The following SLC5A2 variants were observed in gnomAD, a reference collection of about 807,000 sequenced individuals.
The protein encoded by SLC5A2 is sodium/glucose cotransporter 2.
SLC5A2 carries 67 observed loss-of-function variants against 69.0 expected under a neutral mutation model. That is an observed-to-expected ratio of 0.97 (90% CI 0.80 to 1.19). SLC5A2 has a LOEUF of 1.19. SLC5A2 is among the 50% of genes most tolerant of loss of function. SLC5A2 has a pLI of 0.00. For synonymous variants in SLC5A2, 455 were observed against 395.8 expected (o/e 1.15, Z -1.78); for missense variants, 1,001 against 921.5 (o/e 1.09, Z -1.12).
At chr16:31,486,888 T>C (rs1182501481) in intron 5 of SLC5A2, among the ~76,000 whole-genome samples, 4 of 152,086 alleles carry the variant, frequency 2.6e-5, no homozygotes, top group East Asian at 1.9e-4. Flanking sequence ...CTACTAAAGA[T>C]ACAAAAAATT....
At chr16:31,487,477 C>A (rs1257032799) in intron 6 of SLC5A2, 53 bp from the exon 7 acceptor site, 1 of 1,609,972 alleles carries the variant, frequency 6.2e-7, no homozygotes, top group Non-Finnish European at 8.5e-7. Context: ...GGCCGTTGCG[C>A]GTCTCCGGTC....
chr16:31,490,530 G>T lies in SLC5A2; in HGVS notation c.2014G>T (p.Ala672Ser). 1 of 1,610,240 alleles carries T rather than the reference G, an allele frequency of 6.2e-7. No individual in the cohort carries two copies. Among genetic ancestry groups the T allele is most frequent in the Non-Finnish European group, 8.5e-7 (1 of 1,177,954 alleles). Reference protein sequence around the residue: ...AVAVFLWGFYA With the variant: ...AVAVFLWGFYS ...GGCCGTGTTCCTCTGGGGCTTCTAT[G>T]CCTAAGACCAACTGCGTTGGACACC... The change falls in exon 14 of 14, where the codon GCC (alanine) becomes TCC (serine). Residue 672 changes from alanine (A) to serine (S), a missense_variant. By Grantham distance (99) the Ala-to-Ser change is moderately conservative (BLOSUM62 1). Transcript: ENST00000330498.
chr16:31,487,627 C>T lies in SLC5A2; in HGVS notation c.753C>T (p.Ile251=). ...CCGAGGATCCAGCCGTGGGAAACAT[C>T]TCCAGCTTCTGCTATCGACCCCGGC... ...TVSEDPAVGN[I]SSFCYRPRPD... is the part of the protein sequence containing the mutation. The change falls in exon 7 of 14, where the codon ATC becomes ATT. Residue 251 remains isoleucine (I), a synonymous_variant. Transcript: ENST00000330498. The T allele has an allele frequency of 6.2e-7, 1 of 1,613,990 alleles. No individual in the cohort carries two copies.
At chr16:31,487,794 G>C in intron 7 of SLC5A2, 35 bp downstream of exon 7, 1 of 1,569,150 alleles carries the variant, frequency 6.4e-7, no homozygotes, top group South Asian at 1.1e-5. Flanking sequence ...AGTGAGGCCG[G>C]GGCGGAGCCG....
chr16:31,487,360 C>G lies in SLC5A2; in HGVS notation c.615C>G (p.Thr205=). ...TGATGTACACGGACACGGTACAGACCTTCGTCATTCTGGGGGGCGCCTGCA... is the reference window on the plus strand; with the variant it reads ...TGATGTACACGGACACGGTACAGACGTTCGTCATTCTGGGGGGCGCCTGCA... ...AALMYTDTVQ[T]FVILGGACIL... is the part of the protein sequence containing the mutation. The change falls in exon 6 of 14, where the codon ACC becomes ACG. Residue 205 remains threonine (T), a synonymous_variant. Transcript: ENST00000330498. 1 of 1,613,904 alleles carries G rather than the reference C, an allele frequency of 6.2e-7. No individual in the cohort carries two copies. Among genetic ancestry groups the G allele is most frequent in the South Asian group, 1.1e-5 (1 of 91,080 alleles).
chr16:31,488,024 C>T lies in SLC5A2; in HGVS notation c.886-14C>T. Reference sequence around the variant, plus strand: ...GGAGGCCCGCAAGCGGGCAGCTGAACGCCCCTCCCGTAGGTCATCGTGCAG... The same window carrying T: ...GGAGGCCCGCAAGCGGGCAGCTGAATGCCCCTCCCGTAGGTCATCGTGCAG... On this transcript the variant is annotated splice_polypyrimidine_tract_variant and intron_variant, in intron 7 of 13. Coordinates refer to ENST00000330498, the MANE Select transcript of SLC5A2 (RefSeq NM_003041.4). The T allele has an allele frequency of 6.2e-7, 1 of 1,612,198 alleles. No individual in the cohort carries two copies. Among genetic ancestry groups the T allele is most frequent in the African/African-American group, 1.3e-5 (1 of 75,038 alleles).
At position 31,485,745 on chromosome 16, in the gene SLC5A2, T is replaced by C. The variant is rs2082489690; in HGVS notation, c.320T>C (p.Leu107Pro). 7 of 1,613,554 alleles carry C rather than the reference T, an allele frequency of 4.3e-6. No homozygotes were observed. In the East Asian group the frequency reaches 8.9e-5, roughly 21 times the overall value. ...GFEWNALFVV[L>P]LLGWLFAPVY... ...CCCCCGTAGGCGCTCTTCGTGGTGC[T>C]GCTACTGGGCTGGCTGTTTGCACCC... Residue 107 changes from leucine (L) to proline (P), a missense_variant, in exon 4 of 14, where the codon CTG (leucine) becomes CCG (proline). Coordinates refer to ENST00000330498, the MANE Select transcript of SLC5A2 (RefSeq NM_003041.4).
Position 31,489,191 on chromosome 16 carries a change from C to T in SLC5A2, c.1518C>T (p.Phe506=), listed in dbSNP as rs112861979. Residue 506 remains phenylalanine (F), a synonymous_variant, in exon 12 of 14, where the codon TTC becomes TTT. Coordinates refer to ENST00000330498, the MANE Select transcript of SLC5A2 (RefSeq NM_003041.4). The part of the protein sequence containing the change: ...GLARLIPEFS[F]GSGSCVQPSA... ...CACGCCTGATTCCCGAGTTCTCCTT[C>T]GGCTCGGGCAGCTGTGTGCAGCCCT... is the stretch of plus-strand genomic sequence containing the variant. The T allele has an allele frequency of 7.5e-6, 12 of 1,610,256 alleles. No individual in the cohort carries two copies. The highest frequency in any genetic ancestry group is 5.5e-5 in the South Asian group (5 of 91,092).
chr16:31,488,408 G>A lies in SLC5A2; in HGVS notation c.1047G>A (p.Glu349=), dbSNP rs1279077520. The A allele has an allele frequency of 3.7e-6, 6 of 1,611,748 alleles. No homozygotes were observed. Among genetic ancestry groups the A allele is most frequent in the Admixed American group, 1.7e-5 (1 of 59,914 alleles). ...ACGAGGTGGCGTGCGTGGTGCCTGA[G>A]GTGTGCAGGCGCGTGTGCGGCACGG... ...YPDEVACVVP[E]VCRRVCGTEV... Residue 349 remains glutamate (E), a synonymous_variant, in exon 9 of 14, where the codon GAG becomes GAA. Coordinates refer to ENST00000330498, the MANE Select transcript of SLC5A2 (RefSeq NM_003041.4).
At position 31,489,341 on chromosome 16, in the gene SLC5A2, G is replaced by A. The variant is rs767069061; in HGVS notation, c.1665+3G>A. 3.1e-5 allele frequency: 49 copies of A among 1,606,324 alleles called. No individual in the cohort carries two copies. Among genetic ancestry groups the A allele is most frequent in the Non-Finnish European group, 3.8e-5 (45 of 1,179,694 alleles). On this transcript the variant is annotated splice_donor_region_variant and intron_variant, in intron 12 of 13. Coordinates refer to ENST00000330498, the MANE Select transcript of SLC5A2 (RefSeq NM_003041.4). The stretch of plus-strand genomic sequence containing the variant: ...CCGCGCCCATCCCCAGAAAGCACGT[G>A]AGTGGCCAGGTGCCCCAGGCAAGCA...
intron 2 of SLC5A2, 23 bp from the exon 3 acceptor site, chr16:31,484,796 C>T: frequency 1.2e-6 from 2 of 1,612,014 alleles, no homozygotes; most frequent in South Asian, 2.2e-5. Context: ...CAGCCCTGCT[C>T]ACTCCCTCCT....
At position 31,488,942 on chromosome 16, in the gene SLC5A2, A is replaced by AG. The variant is rs765873464; in HGVS notation, c.1346dup (p.Gly450ArgfsTer12). ...TGGCTTCCCGTGGTGCAGGCGGCAC[A>AG]GGGCGGGCAGCTCTTCGATTACATC... On this transcript the variant is annotated frameshift_variant, in exon 11 of 14. Transcript: ENST00000330498. LOFTEE classifies it high-confidence loss of function. 1.8e-5 allele frequency: 29 copies of AG among 1,603,852 alleles called. No homozygotes were observed. The highest frequency in any genetic ancestry group is 2.5e-5 in the Non-Finnish European group (29 of 1,179,864).
At chr16:31,490,076 AC>A (rs756642401) in intron 12 of SLC5A2, 27 bp from the exon 13 acceptor site, 2 of 1,612,474 alleles carry the variant, frequency 1.2e-6, no homozygotes, top group Non-Finnish European at 1.7e-6. Context: ...CAGAACTCCC[AC>A]CTCGTTCGTG....
Position 31,484,820 on chromosome 16 carries a change from T to A in SLC5A2, c.200T>A (p.Val67Asp), listed in dbSNP as rs769063338. 3 of 1,613,248 alleles carry A rather than the reference T, an allele frequency of 1.9e-6. No homozygotes were observed. Among genetic ancestry groups the A allele is most frequent in the Non-Finnish European group, 1.7e-6 (2 of 1,180,018 alleles). The stretch of plus-strand genomic sequence containing the variant: ...TCACTCCCTCCTCTGGCCACCCAGG[T>A]TGGGGCCTCTCTCTTCGCCAGCAAC... ...LAGRSMVWWP[V>D]GASLFASNIG... is the part of the protein sequence containing the mutation. Residue 67 changes from valine to aspartate, a missense_variant and splice_region_variant, in exon 3 of 14, where the codon GTT becomes GAT. By Grantham distance (152) the Val-to-Asp change is radical (BLOSUM62 -3). Coordinates refer to ENST00000330498, the MANE Select transcript of SLC5A2 (RefSeq NM_003041.4).
rs150227217 is a variant in SLC5A2 at position 31,486,240 on chromosome 16, C to T, written c.539C>T (p.Ala180Val). 15 of 1,613,684 alleles carry T rather than the reference C, an allele frequency of 9.3e-6. No homozygotes were observed. The highest frequency in any genetic ancestry group is 3.3e-5 in the South Asian group (3 of 91,072). The change falls in exon 5 of 14, where the codon GCG (alanine) becomes GTG (valine). Residue 180 changes from alanine (A) to valine (V), a missense_variant. Physicochemically the swap from Ala to Val is moderately conservative, Grantham distance 64. Coordinates refer to ENST00000330498, the MANE Select transcript of SLC5A2 (RefSeq NM_003041.4). ...TGGAACATCTATGCCTCCGTCATCGCGCTTCTGGGCATCACCATGATTTAC... is the reference window on the plus strand; with the variant it reads ...TGGAACATCTATGCCTCCGTCATCGTGCTTCTGGGCATCACCATGATTTAC... ...LGWNIYASVIALLGITMIYTV... is the reference protein window; with the variant it reads ...LGWNIYASVIVLLGITMIYTV...
chr16:31,484,256 A>ACACACG lies in SLC5A2; in HGVS notation c.127-416_127-415insACACGC, dbSNP rs1284793200. Among the ~76,000 whole-genome samples the ACACACG allele has an allele frequency of 3.2e-4, 46 of 145,724 alleles. 8 individuals carry two copies. The highest frequency in any genetic ancestry group is 6.5e-4 in the African/African-American group (25 of 38,438). On this transcript the variant is annotated intron_variant, in intron 1 of 13. Transcript: ENST00000330498. ...CACACACACACACACACACACACAC[A>ACACACG]CGCACACACACACAAAAAGCTGGGT...
chr16:31,488,795 C>T (rs1021445171), intron 10 of SLC5A2, 23 bp downstream of exon 10: 3 of 1,600,338 alleles, frequency 1.9e-6, no homozygotes, highest in East Asian at 2.2e-5. Context: ...CTCCCCTCCT[C>T]CCCAACGGAT....
At chr16:31,485,355 G>A in intron 3 of SLC5A2, 2 of 447,996 alleles carry the variant, frequency 4.5e-6, no homozygotes, top group South Asian at 4.4e-5. Context: ...TGGGCTTTGA[G>A]CTCAGGGCTT....
At chr16:31,486,110 C>T in intron 4 of SLC5A2, 60 bp from the exon 5 acceptor site, 1 of 1,355,130 alleles carries the variant, frequency 7.4e-7, no homozygotes, top group Admixed American at 1.7e-5. Context: ...ATGGCCTGGG[C>T]AGGAGGTGGG....
Sources: gnomAD v4.1 joint callset for allele counts (sites outside exome capture counted in the v4.1 genomes callset) on GRCh38, gnomAD v4.1.1 for gene constraint, MANE v1.5 for transcripts, NCBI Gene and HGNC (gene_info 2026-07-23, HGNC 2026-07-21) for gene names.